The following CHN2 variants were observed in gnomAD, a reference collection of about 807,000 sequenced individuals.
CHN2 encodes beta-chimaerin.
Under a neutral mutation model 56.3 loss-of-function variants are expected in CHN2, and 35 were observed. The observed-to-expected ratio is 0.62, with a 90% confidence interval of 0.47 to 0.82. CHN2 has a LOEUF of 0.82. Among genes scored for constraint, CHN2 ranks in the 40% least tolerant of loss-of-function variants. CHN2 has a pLI of 0.00. For missense variants in CHN2, 491 were observed against 580.5 expected (o/e 0.85, Z 1.58); for synonymous variants, 210 against 212.8 (o/e 0.99, Z 0.12).
chr7:29,162,771 A>G (rs541245454), intron 2 of CHN2, among the ~76,000 whole-genome samples: 1 of 152,344 alleles, frequency 6.6e-6, no homozygotes, highest in South Asian at 2.1e-4. Flanking sequence ...ACAAAGTTGC[A>G]GAGAAAACAG....
At position 29,427,207 on chromosome 7, in the gene CHN2, G is replaced by A. The variant is rs1288896037; in HGVS notation, c.576+26379G>A. The stretch of plus-strand genomic sequence containing the variant: ...GTGCACATGCAGTAATCCCAGTTAC[G>A]TGGGAGGCTGAGGCACAAGAATCTC... On this transcript the variant is annotated intron_variant, in intron 6 of 12. Coordinates refer to ENST00000222792, the MANE Select transcript of CHN2 (RefSeq NM_004067.4). Among the ~76,000 whole-genome samples, 3 of 152,122 alleles carry A rather than the reference G, an allele frequency of 2.0e-5. No individual in the cohort carries two copies. In the East Asian group the frequency reaches 5.8e-4, roughly 29 times the overall value.
rs182215090 is a variant in CHN2 at position 29,489,794 on chromosome 7, T to C, written c.655-6158T>C. 1.8e-3 allele frequency among the ~76,000 whole-genome samples: 280 copies of C among 152,318 alleles called. 2 individuals are homozygous for C. Among genetic ancestry groups the C allele is most frequent in the African/African-American group, 6.2e-3 (259 of 41,572 alleles). On this transcript the variant is annotated intron_variant, in intron 7 of 12. Transcript: ENST00000222792. ...GATCAAAGGCAGTAGGGATACTTGTTGGGAAAGGATGTTGGTAAATATGGA... is the reference window on the plus strand; with the variant it reads ...GATCAAAGGCAGTAGGGATACTTGTCGGGAAAGGATGTTGGTAAATATGGA...
chr7:29,154,678 A>G (rs1318649135), intron 2 of CHN2, among the ~76,000 whole-genome samples: 1 of 151,900 alleles, frequency 6.6e-6, no homozygotes, highest in Non-Finnish European at 1.5e-5. Flanking sequence ...TACTAAAAAT[A>G]AAAAAAATTA....
chr7:29,291,804 T>C (rs947505022), intron 1 of CHN2, among the ~76,000 whole-genome samples: 1 of 152,206 alleles, frequency 6.6e-6, no homozygotes, highest in Non-Finnish European at 1.5e-5. Context: ...CTTACATGAA[T>C]CTATCCTGTA....
At chr7:29,281,520 T>C (rs1362912654) in intron 1 of CHN2, among the ~76,000 whole-genome samples, 1 of 152,242 alleles carries the variant, frequency 6.6e-6, no homozygotes, top group Non-Finnish European at 1.5e-5. Context: ...AATGTGTATT[T>C]GTAATTTTGA....
intron 1 of CHN2, among the ~76,000 whole-genome samples, chr7:29,302,723 A>C (rs1483846619): frequency 6.6e-6 from 1 of 151,948 alleles, no homozygotes; most frequent in East Asian, 1.9e-4. Context: ...TCATCTTCCC[A>C]AACTGAAACT....
chr7:29,326,065 T>C lies in CHN2; in HGVS notation c.50-28560T>C, dbSNP rs188009284. ...CTTATCCCGTCTTTACCACTATAGTTGGCTGTGTGTCCTATATGCAAGTCA... is the reference window on the plus strand; with the variant it reads ...CTTATCCCGTCTTTACCACTATAGTCGGCTGTGTGTCCTATATGCAAGTCA... On this transcript the variant is annotated intron_variant, in intron 1 of 12. Coordinates refer to ENST00000222792, the MANE Select transcript of CHN2 (RefSeq NM_004067.4). Among the ~76,000 whole-genome samples, 171 of 152,330 alleles carry C rather than the reference T, an allele frequency of 1.1e-3. 1 individual carries two copies. Among genetic ancestry groups the C allele is most frequent in the African/African-American group, 3.6e-3 (150 of 41,572 alleles).
chr7:29,394,241 C>T (rs1375122612), intron 4 of CHN2, among the ~76,000 whole-genome samples: 1 of 152,194 alleles, frequency 6.6e-6, no homozygotes, highest in Non-Finnish European at 1.5e-5. Context: ...AATTTCAACT[C>T]TTGTTTTGTT....
intron 3 of CHN2, among the ~76,000 whole-genome samples, chr7:29,392,148 G>T (rs1045261481): frequency 6.6e-6 from 1 of 152,156 alleles, no homozygotes; most frequent in African/African-American, 2.4e-5. Context: ...AAAGAATGGA[G>T]ATTTTGCCAT....
At chr7:29,459,333 T>C (rs1431202939) in intron 6 of CHN2, among the ~76,000 whole-genome samples, 1 of 152,218 alleles carries the variant, frequency 6.6e-6, no homozygotes, top group East Asian at 1.9e-4. Context: ...TCTCTCACTA[T>C]TCCTCCCTGT....
At chr7:29,291,219 A>T (rs1166822865) in intron 1 of CHN2, among the ~76,000 whole-genome samples, 2 of 152,174 alleles carry the variant, frequency 1.3e-5, no homozygotes, top group African/African-American at 4.8e-5. Context: ...CCACTCACCC[A>T]ACTTCTAAGA....
At chr7:29,391,797 G>A (rs1426405696) in intron 3 of CHN2, among the ~76,000 whole-genome samples, 2 of 152,172 alleles carry the variant, frequency 1.3e-5, no homozygotes, top group African/African-American at 4.8e-5. Context: ...CACATGGCTG[G>A]CCTGAGCCTA....
At chr7:29,176,998 C>T (rs916636781) in intron 2 of CHN2, among the ~76,000 whole-genome samples, 1 of 151,624 alleles carries the variant, frequency 6.6e-6, no homozygotes, top group Non-Finnish European at 1.5e-5. Flanking sequence ...GAAAAAAAAT[C>T]ATTTAATACA....
intron 1 of CHN2, among the ~76,000 whole-genome samples, chr7:29,288,665 A>G (rs892914212): frequency 3.9e-5 from 6 of 152,234 alleles, no homozygotes; most frequent in African/African-American, 1.4e-4. Flanking sequence ...GCACACAGAG[A>G]GGAACAATAA....
intron 6 of CHN2, among the ~76,000 whole-genome samples, chr7:29,462,149 A>C (rs1357551706): frequency 1.3e-5 from 2 of 152,222 alleles, no homozygotes; most frequent in Non-Finnish European, 2.9e-5. Context: ...TGTCATATAT[A>C]ACACTGCTGA....
At chr7:29,329,376 CAA>C (rs10667833) in intron 1 of CHN2, among the ~76,000 whole-genome samples, 193 of 37,222 alleles carry the variant, frequency 5.2e-3, no homozygotes, top group African/African-American at 0.019. Flanking sequence ...TCAGATAAGG[CAA>C]AAAAAAAAAA....
chr7:29,447,212 T>C (rs895081560), intron 6 of CHN2, among the ~76,000 whole-genome samples: 1 of 152,172 alleles, frequency 6.6e-6, no homozygotes, highest in African/African-American at 2.4e-5. Context: ...AAATGGGCGT[T>C]ATAACTGTAT....
At chr7:29,154,887 C>T (rs988255290) in intron 2 of CHN2, among the ~76,000 whole-genome samples, 1 of 152,162 alleles carries the variant, frequency 6.6e-6, no homozygotes, top group Non-Finnish European at 1.5e-5. Context: ...GGGCAATTTA[C>T]AAATGAAAGA....
intron 3 of CHN2, among the ~76,000 whole-genome samples, chr7:29,384,692 G>T (rs1232396736): frequency 1.3e-5 from 2 of 152,110 alleles, no homozygotes; most frequent in Admixed American, 1.3e-4. Flanking sequence ...TTGTCAATTT[G>T]CCTTCCTCTG....
Sources: gnomAD v4.1 joint callset for allele counts (sites outside exome capture counted in the v4.1 genomes callset) on GRCh38, gnomAD v4.1.1 for gene constraint, MANE v1.5 for transcripts, NCBI Gene and HGNC (gene_info 2026-07-23, HGNC 2026-07-21) for gene names.